CNTNAP5: variants seen among roughly 807,000 people sequenced by gnomAD.
CNTNAP5 encodes contactin associated protein family member 5, also known as contactin-associated protein-like 5.
CNTNAP5 carries 72 observed loss-of-function variants against 150.2 expected under a neutral mutation model. The ratio of observed to expected loss-of-function variants is 0.48; its 90% CI spans 0.40 to 0.58. CNTNAP5 has a LOEUF of 0.58. Ranked by LOEUF, CNTNAP5 falls within the 20% of genes least tolerant of loss-of-function variation. The pLI, the probability that CNTNAP5 is intolerant of heterozygous loss-of-function variation, is 0.00. For synonymous variants in CNTNAP5, 672 were observed against 619.8 expected, an observed-to-expected ratio of 1.08 and a Z score of -1.25; for missense variants, 1,636 against 1,626.2, an observed-to-expected ratio of 1.01 and a Z score of -0.10.
intron 12 of CNTNAP5, among the ~76,000 whole-genome samples, chr2:124,642,577 C>A (rs1573517164): frequency 1.3e-5 from 2 of 152,138 alleles, no homozygotes; most frequent in East Asian, 1.9e-4. Context: ...CTGCGCAGGG[C>A]TCTCTAATAA....
intron 17 of CNTNAP5, among the ~76,000 whole-genome samples, chr2:124,785,232 A>G (rs1169666214): frequency 6.6e-6 from 1 of 152,164 alleles, no homozygotes; most frequent in African/African-American, 2.4e-5. Flanking sequence ...GGAAGGCAAC[A>G]TGAATGAATG....
At chr2:124,340,319 C>A (rs1689579155) in intron 3 of CNTNAP5, among the ~76,000 whole-genome samples, 1 of 152,146 alleles carries the variant, frequency 6.6e-6, no homozygotes, top group Non-Finnish European at 1.5e-5. Flanking sequence ...AAGATGGTTT[C>A]ATGTGCACTG....
At chr2:124,097,341 A>C (rs1248647529) in intron 1 of CNTNAP5, among the ~76,000 whole-genome samples, 2 of 152,202 alleles carry the variant, frequency 1.3e-5, no homozygotes, top group Non-Finnish European at 2.9e-5. Flanking sequence ...AATTCCATCC[A>C]CCACAGAGAT....
intron 11 of CNTNAP5, among the ~76,000 whole-genome samples, chr2:124,599,489 T>G (rs1419375655): frequency 6.6e-6 from 1 of 152,214 alleles, no homozygotes; most frequent in East Asian, 1.9e-4. Context: ...AATTTTGTGA[T>G]TGATATTCAT....
chr2:124,863,441 A>G (rs753370351), intron 19 of CNTNAP5, among the ~76,000 whole-genome samples: 2 of 152,210 alleles, frequency 1.3e-5, no homozygotes, highest in Non-Finnish European at 2.9e-5. Context: ...TAAGTAGTAA[A>G]ATAACAAAAA....
At chr2:124,613,293 A>G (rs1232858650) in intron 12 of CNTNAP5, among the ~76,000 whole-genome samples, 1 of 152,198 alleles carries the variant, frequency 6.6e-6, no homozygotes, top group Non-Finnish European at 1.5e-5. Context: ...AAGGGAGAGA[A>G]GAAACAGAAG....
chr2:124,448,048 C>T (rs1692867194), intron 6 of CNTNAP5, among the ~76,000 whole-genome samples: 1 of 151,930 alleles, frequency 6.6e-6, no homozygotes, highest in Admixed American at 6.6e-5. Context: ...ACCAGCAGAT[C>T]ACGAGGTCAG....
chr2:124,518,024 C>A (rs916448190), intron 8 of CNTNAP5, among the ~76,000 whole-genome samples: 4 of 151,768 alleles, frequency 2.6e-5, no homozygotes, highest in African/African-American at 9.7e-5. Context: ...AGTGAGCAGG[C>A]GTGCTGCTAC....
chr2:124,102,656 A>G (rs1033516941), intron 1 of CNTNAP5, among the ~76,000 whole-genome samples: 4 of 152,194 alleles, frequency 2.6e-5, no homozygotes, highest in South Asian at 2.1e-4. Context: ...CTCCAGTTCC[A>G]ATAAAGGAGT....
chr2:124,776,751 T>C (rs1175004406), intron 17 of CNTNAP5, among the ~76,000 whole-genome samples: 6 of 152,178 alleles, frequency 3.9e-5, no homozygotes, highest in Non-Finnish European at 8.8e-5. Flanking sequence ...TGAGAAATAA[T>C]TGGAAAATTA....
chr2:124,857,674 G>GA (rs11339603), intron 19 of CNTNAP5, among the ~76,000 whole-genome samples: 39 of 149,782 alleles, frequency 2.6e-4, no homozygotes, highest in South Asian at 1.3e-3. Context: ...AAAAAAAAAA[G>GA]AAAAAAAAAT....
intron 3 of CNTNAP5, among the ~76,000 whole-genome samples, chr2:124,414,328 T>C (rs532966326): frequency 9.2e-5 from 14 of 152,254 alleles, no homozygotes; most frequent in African/African-American, 2.9e-4. Context: ...GAGGGGCTGA[T>C]TGTAGCTTTG....
chr2:124,260,930 A>G (rs1343158926), intron 3 of CNTNAP5, among the ~76,000 whole-genome samples: 1 of 152,160 alleles, frequency 6.6e-6, no homozygotes, highest in African/African-American at 2.4e-5. Flanking sequence ...TTGAAAAATG[A>G]CTGTATTTAC....
chr2:124,099,249 A>C (rs555428604), intron 1 of CNTNAP5, among the ~76,000 whole-genome samples: 1 of 152,252 alleles, frequency 6.6e-6, no homozygotes, highest in South Asian at 2.1e-4. Context: ...GCCTTGATTC[A>C]ACTATTCCCA....
At chr2:124,812,038 A>G (rs1682238618) in intron 19 of CNTNAP5, among the ~76,000 whole-genome samples, 1 of 99,172 alleles carries the variant, frequency 1.0e-5, no homozygotes, top group East Asian at 2.4e-4. Context: ...TATATAATAT[A>G]TAATTTATAT....
At chr2:124,426,796 A>G (rs1692248321) in intron 4 of CNTNAP5, among the ~76,000 whole-genome samples, 1 of 152,200 alleles carries the variant, frequency 6.6e-6, no homozygotes, top group Non-Finnish European at 1.5e-5. Context: ...TTTCTCAGAA[A>G]ACAAGCTGTG....
intron 19 of CNTNAP5, among the ~76,000 whole-genome samples, chr2:124,798,984 C>T (rs188214430): frequency 1.7e-4 from 26 of 152,168 alleles, no homozygotes; most frequent in African/African-American, 5.8e-4. Flanking sequence ...ATTACTCCTA[C>T]TTGATACAAA....
At chr2:124,310,721 A>T (rs1411938699) in intron 3 of CNTNAP5, among the ~76,000 whole-genome samples, 1 of 152,170 alleles carries the variant, frequency 6.6e-6, no homozygotes, top group Non-Finnish European at 1.5e-5. Flanking sequence ...AAAAATAGGG[A>T]ATAATTTCAA....
intron 3 of CNTNAP5, among the ~76,000 whole-genome samples, chr2:124,313,785 A>C (rs554167168): frequency 2.6e-5 from 4 of 152,312 alleles, no homozygotes; most frequent in African/African-American, 9.6e-5. Flanking sequence ...ATAAAACCAC[A>C]GGGCAGGCAG....
Sources: allele counts gnomAD v4.1 joint callset (sites outside exome capture counted in the v4.1 genomes callset), GRCh38; gene constraint gnomAD v4.1.1; transcripts MANE v1.5; gene names NCBI Gene and HGNC (gene_info 2026-07-23, HGNC 2026-07-21).